ZNF257: variants seen among roughly 807,000 people sequenced by gnomAD.
ZNF257 encodes zinc finger protein 257.
In ZNF257, 12 loss-of-function variants were observed where a neutral mutation model predicts 11.9. The ratio of observed to expected loss-of-function variants is 1.01; its 90% CI spans 0.65 to 1.63. The LOEUF (loss-of-function observed/expected upper bound fraction) is 1.63. Ranked by LOEUF, ZNF257 falls within the 40% of genes most tolerant of loss-of-function variation. The pLI, the probability that ZNF257 is intolerant of heterozygous loss-of-function variation, is 0.00. For synonymous variants in ZNF257, 183 were observed against 222.7 expected (o/e 0.82, Z 1.59); for missense variants, 580 against 665.5 (o/e 0.87, Z 1.41).
intron 3 of ZNF257, among the ~76,000 whole-genome samples, chr19:22,084,835 T>C (rs1255364133): frequency 6.6e-6 from 1 of 151,676 alleles, no homozygotes; most frequent in Non-Finnish European, 1.5e-5. Flanking sequence ...GTTCAAGTGA[T>C]TCTCGTGCTT....
At chr19:22,064,882 C>T (rs1461707816) in intron 1 of ZNF257, among the ~76,000 whole-genome samples, 1 of 151,966 alleles carries the variant, frequency 6.6e-6, no homozygotes, top group Non-Finnish European at 1.5e-5. Context: ...GGCGAAACCC[C>T]GTTTCTACTA....
chr19:22,077,159 A>G (rs1050967104), intron 3 of ZNF257, among the ~76,000 whole-genome samples: 13 of 152,160 alleles, frequency 8.5e-5, no homozygotes, highest in African/African-American at 3.1e-4. Context: ...CCACACACAA[A>G]AAATGTTTTA....
At chr19:22,065,844 G>T (rs2021930771) in intron 1 of ZNF257, 1 of 152,186 alleles carries the variant, frequency 6.6e-6, no homozygotes, top group South Asian at 2.1e-4. Context: ...GCTGGTGGAA[G>T]TTGTCAGATG....
intron 1 of ZNF257, among the ~76,000 whole-genome samples, chr19:22,060,311 G>A (rs2021761065): frequency 6.6e-6 from 1 of 152,056 alleles, no homozygotes; most frequent in Non-Finnish European, 1.5e-5. Flanking sequence ...ATCAGCATCT[G>A]TGATTTTTTT....
At chr19:22,063,003 A>G (rs979421693) in intron 1 of ZNF257, among the ~76,000 whole-genome samples, 8 of 152,172 alleles carry the variant, frequency 5.3e-5, no homozygotes, top group Admixed American at 6.5e-5. Flanking sequence ...GCTATATATT[A>G]CTAATCCAAT....
chr19:22,066,619 TC>T (rs1331564228), intron 1 of ZNF257, among the ~76,000 whole-genome samples: 1 of 139,320 alleles, frequency 7.2e-6, no homozygotes, highest in African/African-American at 3.1e-5. Flanking sequence ...AGCATCCTAA[TC>T]AACCATTTTT....
rs1340706238 is a variant in ZNF257 at position 22,089,432 on chromosome 19, A to G, written c.1682A>G (p.His561Arg). Residue 561 changes from histidine to arginine, a missense_variant, in exon 4 of 4, where the codon CAT becomes CGT. Coordinates refer to ENST00000594947, the MANE Select transcript of ZNF257 (RefSeq NM_033468.4). The part of the protein sequence containing the change: ...ACNHSSNLTK[H>R]NS The stretch of plus-strand genomic sequence containing the variant: ...AACCATTCCTCAAACCTTACTAAAC[A>G]TAATTCATAATGGAGAAAAACCCTA... 2.5e-6 allele frequency: 4 copies of G among 1,605,068 alleles called. No homozygotes were observed. Among genetic ancestry groups the G allele is most frequent in the Admixed American group, 1.7e-5 (1 of 58,588 alleles).
chr19:22,091,094 C>T lies in ZNF257; in HGVS notation c.*1652C>T, dbSNP rs913564620. On this transcript the variant is annotated 3_prime_UTR_variant, in exon 4 of 4. Coordinates refer to ENST00000594947, the MANE Select transcript of ZNF257 (RefSeq NM_033468.4). ...TACTTTTATTTAATAAAATGCAGTA[C>T]ATTTTAAAATTTTTAGATTATTTGT... 2 of 151,996 alleles carry T rather than the reference C, an allele frequency of 1.3e-5. No individual in the cohort carries two copies. The highest frequency in any genetic ancestry group is 1.5e-5 in the Non-Finnish European group (1 of 68,018). The allele number at this position is 151,996 out of a possible 1,614,324, so 9.4% of individuals were successfully genotyped here.
intron 3 of ZNF257, chr19:22,075,254 G>T (rs769234671): frequency 4.8e-4 from 80 of 164,984 alleles, no homozygotes; most frequent in Admixed American, 1.8e-3. Flanking sequence ...AGACACTAGG[G>T]CAGGTTTTTG....
At chr19:22,055,216 G>A (rs910889129) in intron 1 of ZNF257, among the ~76,000 whole-genome samples, 6 of 152,010 alleles carry the variant, frequency 3.9e-5, no homozygotes, top group African/African-American at 1.4e-4. Flanking sequence ...AGTATTTTTT[G>A]GTTTCTTTGA....
chr19:22,077,578 C>G (rs2022256414), intron 3 of ZNF257, among the ~76,000 whole-genome samples: 1 of 151,814 alleles, frequency 6.6e-6, no homozygotes, highest in Non-Finnish European at 1.5e-5. Flanking sequence ...ACATAATATT[C>G]TCAGTTTATC....
chr19:22,085,397 A>G (rs2022453886), intron 3 of ZNF257, among the ~76,000 whole-genome samples: 1 of 152,120 alleles, frequency 6.6e-6, no homozygotes, highest in Non-Finnish European at 1.5e-5. Context: ...ACACTTGTTA[A>G]GATTTATTTT....
intron 1 of ZNF257, chr19:22,064,166 CA>C (rs1236195177): frequency 1.3e-5 from 2 of 152,082 alleles, no homozygotes; most frequent in African/African-American, 4.8e-5. Context: ...TCCAAGAATT[CA>C]AGAACACGTC....
At position 22,089,686 on chromosome 19, in the gene ZNF257, C is replaced by T. The variant is rs1399815503; in HGVS notation, c.*244C>T. On this transcript the variant is annotated 3_prime_UTR_variant, in exon 4 of 4. Coordinates refer to ENST00000594947, the MANE Select transcript of ZNF257 (RefSeq NM_033468.4). ...TCAACTCTTACTAAACATGAGAACA[C>T]ATGTGGAAGATAAAGCCTACAAATA... 2.1e-6 allele frequency: 2 copies of T among 949,630 alleles called. No homozygotes were observed. The highest frequency in any genetic ancestry group is 3.9e-5 in the South Asian group (2 of 50,646). 58.8% of individuals were successfully genotyped at this position (949,630 alleles called of 1,614,324 possible).
intron 1 of ZNF257, among the ~76,000 whole-genome samples, chr19:22,072,385 A>G (rs746155305): frequency 2.0e-5 from 3 of 152,110 alleles, no homozygotes; most frequent in Non-Finnish European, 4.4e-5. Context: ...GTCCAGCAAT[A>G]CTAGGAAAAA....
chr19:22,064,768 AT>A (rs1302900016), intron 1 of ZNF257, among the ~76,000 whole-genome samples: 1 of 152,148 alleles, frequency 6.6e-6, no homozygotes, highest in African/African-American at 2.4e-5. Context: ...TTTAAAAACT[AT>A]TTTCAGCCAG....
At chr19:22,052,984 A>G (rs1050701299) in intron 1 of ZNF257, among the ~76,000 whole-genome samples, 8 of 152,090 alleles carry the variant, frequency 5.3e-5, no homozygotes, top group Admixed American at 1.3e-4. Context: ...CATGAATGGG[A>G]AGAGCTTTGG....
intron 1 of ZNF257, among the ~76,000 whole-genome samples, chr19:22,071,480 G>T (rs1431557387): frequency 6.6e-6 from 1 of 151,678 alleles, no homozygotes; most frequent in Admixed American, 6.6e-5. Context: ...GGAAAAAATG[G>T]CTTTTTTTTT....
Position 22,088,531 on chromosome 19 carries a change from G to C in ZNF257, c.781G>C (p.Glu261Gln), listed in dbSNP as rs771183051. 9 of 1,613,558 alleles carry C rather than the reference G, an allele frequency of 5.6e-6. No individual in the cohort carries two copies. The highest frequency in any genetic ancestry group is 7.6e-6 in the Non-Finnish European group (9 of 1,179,882). Residue 261 changes from glutamate to glutamine, a missense_variant, in exon 4 of 4, where the codon GAG (glutamate) becomes CAG (glutamine). Coordinates refer to ENST00000594947, the MANE Select transcript of ZNF257 (RefSeq NM_033468.4). ...HTREKPYKCE[E>Q]CGKAFNRSSH... ...TAGAGAGAAACCCTACAAATGTGAA[G>C]AGTGTGGCAAAGCCTTTAACCGGTC...
Sources: gnomAD v4.1 joint callset for allele counts (sites outside exome capture counted in the v4.1 genomes callset) on GRCh38, gnomAD v4.1.1 for gene constraint, MANE v1.5 for transcripts, NCBI Gene and HGNC (gene_info 2026-07-23, HGNC 2026-07-21) for gene names.